The following ARL15 variants were observed in gnomAD, a reference collection of about 807,000 sequenced individuals.
The protein encoded by ARL15 is ADP-ribosylation factor-like protein 15.
A neutral mutation model predicts 25.2 loss-of-function variants in ARL15; 19 were observed. That is an observed-to-expected ratio of 0.75 (90% CI 0.53 to 1.10). The LOEUF (loss-of-function observed/expected upper bound fraction) is 1.10, where lower values mean the gene tolerates loss of function less well. ARL15 is among the 50% of genes least tolerant of loss of function. ARL15 has a pLI of 0.00. For synonymous variants in ARL15, 94 were observed against 86.8 expected (o/e 1.08, Z -0.46); for missense variants, 220 against 246.0 (o/e 0.89, Z 0.71).
intron 4 of ARL15, among the ~76,000 whole-genome samples, chr5:54,001,788 T>G (rs945889669): frequency 6.6e-6 from 1 of 152,198 alleles, no homozygotes; most frequent in Non-Finnish European, 1.5e-5. Flanking sequence ...AATGCTTATC[T>G]CAAGAGGAGC....
chr5:54,140,825 C>T (rs1753755511), intron 3 of ARL15, among the ~76,000 whole-genome samples: 1 of 151,958 alleles, frequency 6.6e-6, no homozygotes, highest in Admixed American at 6.6e-5. Flanking sequence ...GATTCTTGAA[C>T]AACAAAAAAT....
At chr5:54,017,650 C>T (rs1204542216) in intron 4 of ARL15, among the ~76,000 whole-genome samples, 3 of 150,410 alleles carry the variant, frequency 2.0e-5, no homozygotes, top group Non-Finnish European at 4.4e-5. Context: ...CAAAAACCCA[C>T]AACAAACCCT....
At chr5:53,947,167 G>GGGGGGT (rs752822788) in intron 4 of ARL15, among the ~76,000 whole-genome samples, 10 of 123,700 alleles carry the variant, frequency 8.1e-5, no homozygotes, top group Admixed American at 5.0e-4. Flanking sequence ...AATAAATAAG[G>GGGGGGT]GTGTGTGTGT....
chr5:54,290,865 G>A (rs896594679), intron 1 of ARL15, among the ~76,000 whole-genome samples: 3 of 151,982 alleles, frequency 2.0e-5, no homozygotes, highest in African/African-American at 4.8e-5. Flanking sequence ...CATTGTTTAG[G>A]GGTTCTTTCC....
chr5:54,212,243 C>T (rs1381146523), intron 1 of ARL15, among the ~76,000 whole-genome samples: 1 of 152,084 alleles, frequency 6.6e-6, no homozygotes, highest in East Asian at 1.9e-4. Context: ...AATGTCAATC[C>T]CTGGTTTAAA....
At chr5:54,216,931 A>T (rs536346152) in intron 1 of ARL15, among the ~76,000 whole-genome samples, 104 of 152,278 alleles carry the variant, frequency 6.8e-4, no homozygotes, top group African/African-American at 1.9e-3. Context: ...ATGCCTTTAA[A>T]GACAATAGAG....
intron 4 of ARL15, among the ~76,000 whole-genome samples, chr5:54,018,653 T>C (rs965197969): frequency 1.3e-5 from 2 of 152,210 alleles, no homozygotes; most frequent in African/African-American, 4.8e-5. Flanking sequence ...CTGCTATTCA[T>C]TCATTCACTG....
intron 4 of ARL15, among the ~76,000 whole-genome samples, chr5:54,050,062 T>C (rs147909531): frequency 2.7e-4 from 41 of 152,286 alleles, no homozygotes; most frequent in Middle Eastern, 3.4e-3. Flanking sequence ...CTCTTTTTGT[T>C]GGTTAACACT....
At chr5:54,186,727 T>C (rs1411072815) in intron 1 of ARL15, among the ~76,000 whole-genome samples, 2 of 152,044 alleles carry the variant, frequency 1.3e-5, no homozygotes, top group Non-Finnish European at 2.9e-5. Context: ...CACAAATGCC[T>C]TAAATTATGT....
chr5:53,953,323 A>C (rs1747040507), intron 4 of ARL15, among the ~76,000 whole-genome samples: 1 of 152,188 alleles, frequency 6.6e-6, no homozygotes, highest in Admixed American at 6.5e-5. Context: ...GTCTTGTATA[A>C]AGCACTATGC....
At chr5:54,074,682 G>C (rs1419897904) in intron 4 of ARL15, among the ~76,000 whole-genome samples, 1 of 152,080 alleles carries the variant, frequency 6.6e-6, no homozygotes, top group Non-Finnish European at 1.5e-5. Context: ...TATTATTCAA[G>C]TCAGAGAGAT....
intron 1 of ARL15, among the ~76,000 whole-genome samples, chr5:54,172,844 G>T (rs917839751): frequency 8.6e-5 from 13 of 152,046 alleles, no homozygotes; most frequent in African/African-American, 2.9e-4. Context: ...CTGCCTTTCT[G>T]GCCTTTGCTA....
intron 4 of ARL15, among the ~76,000 whole-genome samples, chr5:54,041,005 G>A (rs1248077487): frequency 6.6e-6 from 1 of 152,112 alleles, no homozygotes; most frequent in Non-Finnish European, 1.5e-5. Flanking sequence ...AGCAGACTTG[G>A]TCACTCCTTT....
At chr5:54,060,341 A>T (rs1751025355) in intron 4 of ARL15, among the ~76,000 whole-genome samples, 1 of 152,158 alleles carries the variant, frequency 6.6e-6, no homozygotes, top group African/African-American at 2.4e-5. Flanking sequence ...AGGCAGGAGA[A>T]TTGCTTGAAG....
In ARL15 at chr5:54,073,211, A is replaced by T. The variant is rs1390520060; in HGVS notation, c.462+39991T>A. On this transcript the variant is annotated intron_variant, in intron 4 of 4. Transcript: ENST00000504924. ...GCACATCTGGATTACTTTTGGCAAG[A>T]AACATAGCTAAGTGTCTAAAGCCAA... Among the ~76,000 whole-genome samples the T allele has an allele frequency of 3.3e-5, 5 of 152,206 alleles. No homozygotes were observed. In the East Asian group the frequency reaches 9.6e-4, roughly 29 times the overall value.
chr5:53,894,495 C>A (rs1350202326), intron 4 of ARL15, among the ~76,000 whole-genome samples: 1 of 152,120 alleles, frequency 6.6e-6, no homozygotes, highest in East Asian at 1.9e-4. Context: ...GCAAACATGT[C>A]TGTTTTTATT....
chr5:54,238,637 C>T (rs1756872485), intron 1 of ARL15, among the ~76,000 whole-genome samples: 1 of 152,074 alleles, frequency 6.6e-6, no homozygotes, highest in South Asian at 2.1e-4. Context: ...GACATTAAGC[C>T]GACTTCACAG....
At position 54,171,796 on chromosome 5, in the gene ARL15, C is replaced by T. The variant is rs371907880; in HGVS notation, c.181G>A (p.Val61Met). ...KLCSESPDNV[V>M]STTGFSIKAV... The stretch of plus-strand genomic sequence containing the variant: ...GCACAGTACCCACCTGTGGTCGACA[C>T]GACGTTATCGGGGCTTTCACTGCAG... The change falls in exon 2 of 5, where the codon GTG (valine) becomes ATG (methionine). Residue 61 changes from valine to methionine, a missense_variant. Coordinates refer to ENST00000504924, the MANE Select transcript of ARL15 (RefSeq NM_019087.3). 23 of 1,612,436 alleles carry T rather than the reference C, an allele frequency of 1.4e-5. No homozygotes were observed. The highest frequency in any genetic ancestry group is 1.1e-4 in the African/African-American group (8 of 74,898).
At chr5:54,171,007 C>T (rs563265458) in intron 2 of ARL15, among the ~76,000 whole-genome samples, 2 of 152,272 alleles carry the variant, frequency 1.3e-5, no homozygotes, top group East Asian at 1.9e-4. Context: ...CCATTATTTC[C>T]TCTTATACTC....
Sources: gnomAD v4.1 joint callset for allele counts (sites outside exome capture counted in the v4.1 genomes callset) on GRCh38, gnomAD v4.1.1 for gene constraint, MANE v1.5 for transcripts, NCBI Gene and HGNC (gene_info 2026-07-23, HGNC 2026-07-21) for gene names.